YPEL1: variants seen among roughly 807,000 people sequenced by gnomAD.
The protein encoded by YPEL1 is protein yippee-like 1.
Under a neutral mutation model 17.3 loss-of-function variants are expected in YPEL1, and 7 were observed. The observed-to-expected ratio is 0.40, with a 90% CI of 0.23 to 0.76. YPEL1 has a LOEUF of 0.76. Among genes scored for constraint, YPEL1 ranks in the 30% least tolerant of loss-of-function variants. YPEL1 has a pLI of 0.35. For synonymous variants in YPEL1, 59 were observed against 59.6 expected (o/e 0.99, Z 0.05); for missense variants, 91 against 155.5 (o/e 0.59, Z 2.21).
At chr22:21,728,911 G>A (rs1372799993) in intron 1 of YPEL1, among the ~76,000 whole-genome samples, 1 of 152,202 alleles carries the variant, frequency 6.6e-6, no homozygotes, top group Non-Finnish European at 1.5e-5. Flanking sequence ...GGGAGGCCGA[G>A]GCGGGTGGAT....
chr22:21,702,622 A>C (rs945536802), intron 4 of YPEL1, among the ~76,000 whole-genome samples: 1 of 152,128 alleles, frequency 6.6e-6, no homozygotes, highest in African/African-American at 2.4e-5. Context: ...AAAAACAAAC[A>C]AAACAACAAC....
chr22:21,705,024 G>A (rs1171700233), intron 2 of YPEL1, among the ~76,000 whole-genome samples: 1 of 152,160 alleles, frequency 6.6e-6, no homozygotes, highest in Non-Finnish European at 1.5e-5. Context: ...GGAGTGCAGT[G>A]GCACCATCTG....
chr22:21,721,409 T>C (rs1329789751), intron 1 of YPEL1, among the ~76,000 whole-genome samples: 1 of 103,852 alleles, frequency 9.6e-6, no homozygotes, highest in Non-Finnish European at 2.1e-5. Context: ...TGAGCCACCA[T>C]GCCCAGCCTT....
intron 1 of YPEL1, among the ~76,000 whole-genome samples, chr22:21,727,713 G>A (rs1354048335): frequency 2.6e-5 from 4 of 152,218 alleles, no homozygotes; most frequent in African/African-American, 9.6e-5. Flanking sequence ...ATGGGATGGA[G>A]TGCAGACTGG....
intron 1 of YPEL1, 110 bp from the exon 2 acceptor site, chr22:21,711,018 G>A: frequency 2.7e-6 from 1 of 364,014 alleles, no homozygotes; most frequent in Non-Finnish European, 5.2e-6. Context: ...GGGGGTGGCA[G>A]GACTAGAATT....
chr22:21,725,112 T>C (rs1273122174), intron 1 of YPEL1, among the ~76,000 whole-genome samples: 1 of 151,964 alleles, frequency 6.6e-6, no homozygotes, highest in Non-Finnish European at 1.5e-5. Context: ...TTTCACCATG[T>C]TGTCCAGGCT....
At chr22:21,711,013 TG>T in intron 1 of YPEL1, 105 bp from the exon 2 acceptor site, 1 of 361,224 alleles carries the variant, frequency 2.8e-6, no homozygotes, top group South Asian at 3.4e-5. Flanking sequence ...GGTGGGGGGG[TG>T]GCAGGACTAG....
At chr22:21,717,204 C>A (rs560946500) in intron 1 of YPEL1, among the ~76,000 whole-genome samples, 3 of 151,896 alleles carry the variant, frequency 2.0e-5, no homozygotes, top group Admixed American at 2.0e-4. Context: ...GGTGAAACCC[C>A]GTCTCTACTA....
chr22:21,735,586 C>G (rs2068429019), intron 1 of YPEL1, 29 bp downstream of exon 1: 2 of 151,918 alleles, frequency 1.3e-5, no homozygotes, highest in South Asian at 4.1e-4. Context: ...ACCGCCCGCG[C>G]AGCTGCAGCC....
intron 1 of YPEL1, among the ~76,000 whole-genome samples, chr22:21,725,289 G>A (rs1316733088): frequency 2.0e-5 from 3 of 148,908 alleles, no homozygotes; most frequent in Non-Finnish European, 4.4e-5. Flanking sequence ...GTGCAATCTC[G>A]GCTCAATGCA....
Position 21,700,298 on chromosome 22 carries a change from G to A in YPEL1, c.*831C>T, listed in dbSNP as rs1371636306. The A allele has an allele frequency of 6.6e-6, 1 of 152,216 alleles. No homozygotes were observed. Among genetic ancestry groups the A allele is most frequent in the African/African-American group, 2.4e-5 (1 of 41,452 alleles). The allele number at this position is 152,216 out of a possible 1,614,324, so 9.4% of individuals were successfully genotyped here. On this transcript the variant is annotated 3_prime_UTR_variant, in exon 5 of 5. Coordinates refer to ENST00000339468, the MANE Select transcript of YPEL1 (RefSeq NM_013313.5). ...AGAGACCCTGTCCCTGTGGTCTTCA[G>A]AGACTCAGTCTGGTTCTCTCTTGTT...
Position 21,703,956 on chromosome 22 carries a change from G to A in YPEL1, c.118-74C>T, listed in dbSNP as rs1221364260. On this transcript the variant is annotated intron_variant, in intron 2 of 4. Coordinates refer to ENST00000339468, the MANE Select transcript of YPEL1 (RefSeq NM_013313.5). This position sits in a 1 kb window ranked among gnomAD's most constrained non-coding sequence, Gnocchi z 6.1. The stretch of plus-strand genomic sequence containing the variant: ...GAAGCGGTGCTGCCCAGAACCAGGG[G>A]AGTCCAGCCCCGCGGCTGTTAGCTG... 1.3e-6 allele frequency: 2 copies of A among 1,526,346 alleles called. No individual in the cohort carries two copies. The highest frequency in any genetic ancestry group is 1.8e-6 in the Non-Finnish European group (2 of 1,123,572). 94.6% of individuals were successfully genotyped at this position (1,526,346 alleles called of 1,614,324 possible).
In YPEL1 at chr22:21,710,745, C is replaced by G; in HGVS notation, c.-1G>C. On this transcript the variant is annotated 5_prime_UTR_variant, in exon 2 of 5. Transcript: ENST00000339468. Reference sequence around the variant, plus strand: ...TTTTGGACTTTGTCATTTTCACCATCTCTCCTGGGCACTCCTCACTCAGCT... The same window carrying G: ...TTTTGGACTTTGTCATTTTCACCATGTCTCCTGGGCACTCCTCACTCAGCT... The G allele has an allele frequency of 6.2e-7, 1 of 1,613,666 alleles. No homozygotes were observed. Among genetic ancestry groups the G allele is most frequent in the Non-Finnish European group, 8.5e-7 (1 of 1,179,550 alleles).
chr22:21,709,115 T>A (rs2068141684), intron 2 of YPEL1, among the ~76,000 whole-genome samples: 1 of 152,056 alleles, frequency 6.6e-6, no homozygotes, highest in South Asian at 2.1e-4. Flanking sequence ...ATTGACCACC[T>A]CTCAGTGCTC....
At position 21,732,731 on chromosome 22, in the gene YPEL1, G is replaced by A. The variant is rs190479345; in HGVS notation, c.-165+2884C>T. Among the ~76,000 whole-genome samples the A allele has an allele frequency of 4.8e-3, 736 of 151,982 alleles. 2 individuals carry two copies. The highest frequency in any genetic ancestry group is 0.017 in the Middle Eastern group (5 of 294). ...CGGGAGGCGGAGGCTGCACTGAGCC[G>A]AGATCACGCCACTGCACTCCAGCCT... On this transcript the variant is annotated intron_variant, in intron 1 of 4. Transcript: ENST00000339468.
chr22:21,708,753 G>A (rs1229577517), intron 2 of YPEL1, among the ~76,000 whole-genome samples: 7 of 145,022 alleles, frequency 4.8e-5, no homozygotes, highest in Admixed American at 3.6e-4. Context: ...TGCAACCTCC[G>A]CCTCCCAGGT....
At chr22:21,714,550 C>T (rs993988788) in intron 1 of YPEL1, among the ~76,000 whole-genome samples, 9 of 152,276 alleles carry the variant, frequency 5.9e-5, no homozygotes, top group South Asian at 2.1e-4. Context: ...CAGCCACTGA[C>T]GGGGTGTGGA....
Position 21,703,831 on chromosome 22 carries a change from G to T in YPEL1, c.161+8C>A. On this transcript the variant is annotated splice_region_variant and intron_variant, in intron 3 of 4. Coordinates refer to ENST00000339468, the MANE Select transcript of YPEL1 (RefSeq NM_013313.5). This position sits in a 1 kb window ranked among gnomAD's most constrained non-coding sequence, Gnocchi z 6.1. ...GCCGCTCCCCCCGGGCTGAACCAGG[G>T]TACTCACACGGAATTGAAGAGGTAG... 6.2e-7 allele frequency: 1 copy of T among 1,609,224 alleles called. No individual in the cohort carries two copies. The highest frequency in any genetic ancestry group is 8.5e-7 in the Non-Finnish European group (1 of 1,177,838).
chr22:21,724,340 C>T (rs549667093), intron 1 of YPEL1, among the ~76,000 whole-genome samples: 16 of 152,186 alleles, frequency 1.1e-4, no homozygotes, highest in South Asian at 6.2e-4. Context: ...AGTTTGAGAC[C>T]GGCCTGGCCA....
Sources: gnomAD v4.1 joint callset for allele counts (sites outside exome capture counted in the v4.1 genomes callset) on GRCh38, gnomAD v4.1.1 for gene constraint, Gnocchi (gnomAD v3.1) non-coding constraint, MANE v1.5 for transcripts, NCBI Gene and HGNC (gene_info 2026-07-23, HGNC 2026-07-21) for gene names.